The following NBAS variants were observed in gnomAD, a reference collection of about 807,000 sequenced individuals.
NBAS encodes the protein NBAS subunit of NRZ tethering complex.
A neutral mutation model predicts 302.5 loss-of-function variants in NBAS; 219 were observed. That is an observed-to-expected ratio of 0.72 (90% CI 0.65 to 0.81). The LOEUF is 0.81. Ranked by LOEUF, NBAS falls within the 30% of genes least tolerant of loss-of-function variation. The pLI is 0.00. For synonymous variants in NBAS, 1,118 were observed against 1,021.6 expected (o/e 1.09, Z -1.80); for missense variants, 2,932 against 2,841.6 (o/e 1.03, Z -0.72).
intron 47 of NBAS, among the ~76,000 whole-genome samples, chr2:15,220,485 G>A (rs1666901918): frequency 6.6e-6 from 1 of 152,106 alleles, no homozygotes; most frequent in Non-Finnish European, 1.5e-5. Context: ...TGCCATTAGA[G>A]TATCAAATCT....
At chr2:15,028,878 C>T in the NBAS span, among the ~76,000 whole-genome samples, 2 of 152,096 alleles carry the variant, frequency 1.3e-5, no homozygotes, top group Admixed American at 6.6e-5. Flanking sequence ...TTTTTATATA[C>T]TTCCCCATTT....
rs561161539 is a variant in NBAS, at chr2:15,323,471, G to C, written c.4582+4279C>G. On this transcript the variant is annotated intron_variant, in intron 38 of 51. Transcript: ENST00000281513. The stretch of plus-strand genomic sequence containing the variant: ...CTCAGTATGAAGAATGGACACATGA[G>C]GCTGGGGAGAACCTAATATCTGAAG... Among the ~76,000 whole-genome samples the C allele has an allele frequency of 3.3e-5, 5 of 152,308 alleles. No individual in the cohort carries two copies. In the South Asian group the frequency reaches 1.0e-3, roughly 32 times the overall value.
intron 6 of NBAS, 99 bp downstream of exon 6, chr2:15,551,394 T>C: frequency 1.3e-6 from 1 of 760,028 alleles, no homozygotes; most frequent in Non-Finnish European, 2.1e-6. Flanking sequence ...TGATAATCCT[T>C]GTTAATAAAT....
At chr2:15,504,361 G>T in intron 10 of NBAS, 148 bp from the exon 11 acceptor site, 2 of 729,572 alleles carry the variant, frequency 2.7e-6, no homozygotes, top group Admixed American at 2.5e-5. Flanking sequence ...CAAGGATCTT[G>T]GTGAGATTTT....
chr2:15,274,097 C>T (rs1669457241), intron 44 of NBAS, among the ~76,000 whole-genome samples: 1 of 151,954 alleles, frequency 6.6e-6, no homozygotes, highest in South Asian at 2.1e-4. Flanking sequence ...AAAAATCATC[C>T]TTATTTTTCT....
At position 15,536,536 on chromosome 2, in the gene NBAS, C is replaced by G. The variant is rs1558421227; in HGVS notation, c.529G>C (p.Gly177Arg). 6.2e-7 allele frequency: 1 copy of G among 1,609,820 alleles called. No homozygotes were observed. Among genetic ancestry groups the G allele is most frequent in the Non-Finnish European group, 8.5e-7 (1 of 1,178,738 alleles). Residue 177 changes from glycine to arginine, a missense_variant, in exon 8 of 52, where the codon GGT becomes CGT. Coordinates refer to ENST00000281513, the MANE Select transcript of NBAS (RefSeq NM_015909.4). ...FVISPASSFI[G>R]DLSYAIAGLI... Reference sequence around the variant, plus strand: ...CCAGCAATGGCATAGCTTAAGTCACCTATAAAACTAGATGCCTACAGAAGA... The same window carrying G: ...CCAGCAATGGCATAGCTTAAGTCACGTATAAAACTAGATGCCTACAGAAGA...
At chr2:15,561,040 G>A (rs1664892618) in intron 1 of NBAS, 148 bp downstream of exon 1, 2 of 253,354 alleles carry the variant, frequency 7.9e-6, no homozygotes, top group Non-Finnish European at 1.5e-5. Flanking sequence ...GCTAGCCCAA[G>A]GTGCCGTTGC....
chr2:15,338,124 G>T (rs1433911780), intron 35 of NBAS, among the ~76,000 whole-genome samples: 7 of 152,202 alleles, frequency 4.6e-5, no homozygotes, highest in African/African-American at 1.7e-4. Flanking sequence ...ATAGTGCCAT[G>T]TGTCAAGTGT....
the NBAS span, among the ~76,000 whole-genome samples, chr2:14,863,600 C>T: frequency 1.0e-3 from 158 of 152,330 alleles, no homozygotes; most frequent in Middle Eastern, 6.8e-3. Flanking sequence ...CACGGCTGCT[C>T]CAGACTTCTT....
chr2:14,999,428 A>C, the NBAS span, among the ~76,000 whole-genome samples: 1 of 151,966 alleles, frequency 6.6e-6, no homozygotes, highest in Non-Finnish European at 1.5e-5. Context: ...TTGTAATCCT[A>C]ATGTGTTGGA....
At chr2:15,369,765 C>T (rs189940094) in intron 31 of NBAS, among the ~76,000 whole-genome samples, 1 of 152,310 alleles carries the variant, frequency 6.6e-6, no homozygotes, top group East Asian at 1.9e-4. Context: ...CTGCAGAAAT[C>T]ATGAATATAT....
the NBAS span, among the ~76,000 whole-genome samples, chr2:14,973,003 T>A: frequency 7.2e-5 from 11 of 152,216 alleles, no homozygotes; most frequent in African/African-American, 2.7e-4. Context: ...CCCTTCCCTG[T>A]GACACTGCCT....
intron 38 of NBAS, among the ~76,000 whole-genome samples, chr2:15,312,923 T>C (rs148472925): frequency 5.3e-5 from 8 of 152,314 alleles, no homozygotes; most frequent in East Asian, 3.9e-4. Context: ...GTTCAAAAAT[T>C]AGACCATTTC....
chr2:15,037,789 T>C, the NBAS span, among the ~76,000 whole-genome samples: 15 of 152,252 alleles, frequency 9.9e-5, no homozygotes, highest in Admixed American at 7.8e-4. Flanking sequence ...ATTTCAATGA[T>C]TTGCTATACT....
the NBAS span, among the ~76,000 whole-genome samples, chr2:15,037,089 T>G: frequency 6.6e-6 from 1 of 152,146 alleles, no homozygotes; most frequent in African/African-American, 2.4e-5. Flanking sequence ...GGAGCTTAGA[T>G]TCACACGGTA....
At chr2:15,394,454 T>G in intron 27 of NBAS, 105 bp from the exon 28 acceptor site, 1 of 1,217,242 alleles carries the variant, frequency 8.2e-7, no homozygotes, top group South Asian at 1.3e-5. Context: ...TAAAAAAAAA[T>G]TATCCCATAG....
chr2:15,276,057 T>C (rs1472453951), intron 43 of NBAS, among the ~76,000 whole-genome samples: 2 of 152,148 alleles, frequency 1.3e-5, no homozygotes, highest in East Asian at 3.9e-4. Flanking sequence ...TGTGCCTCCA[T>C]CTCCTTGTTT....
At chr2:15,034,216 AAGAG>A in the NBAS span, among the ~76,000 whole-genome samples, 2 of 79,830 alleles carry the variant, frequency 2.5e-5, 1 homozygote, top group Non-Finnish European at 5.2e-5. Flanking sequence ...AAAGGAAAGA[AAGAG>A]AGGGAAAGAA....
intron 40 of NBAS, among the ~76,000 whole-genome samples, chr2:15,300,005 C>T (rs927768614): frequency 6.6e-6 from 1 of 152,042 alleles, no homozygotes; most frequent in Non-Finnish European, 1.5e-5. Flanking sequence ...ATTTGCTAAC[C>T]ATCAATGCAT....
Sources: allele counts gnomAD v4.1 joint callset (sites outside exome capture counted in the v4.1 genomes callset), GRCh38; gene constraint gnomAD v4.1.1; transcripts MANE v1.5; gene names NCBI Gene and HGNC (gene_info 2026-07-23, HGNC 2026-07-21).